MAU2: variants seen among roughly 807,000 people sequenced by gnomAD.
MAU2 encodes the protein MAU2 chromatid cohesion factor homolog.
A neutral mutation model predicts 89.1 loss-of-function variants in MAU2; 9 were observed. The ratio of observed to expected loss-of-function variants is 0.10; its 90% CI spans 0.06 to 0.18. The LOEUF (loss-of-function observed/expected upper bound fraction) is 0.18. Among genes scored for constraint, MAU2 ranks in the 10% least tolerant of loss-of-function variants. The pLI, the probability that MAU2 is intolerant of heterozygous loss-of-function variation, is 1.00. For missense variants in MAU2, 425 were observed against 803.5 expected (o/e 0.53, Z 5.69); for synonymous variants, 357 against 343.4 (o/e 1.04, Z -0.44).
chr19:19,330,458 C>T (rs1237676283), intron 1 of MAU2, among the ~76,000 whole-genome samples: 1 of 151,368 alleles, frequency 6.6e-6, no homozygotes, highest in Non-Finnish European at 1.5e-5. Flanking sequence ...TTAGTTGGGC[C>T]TGCCAGGCGC....
chr19:19,340,742 C>G (rs2061637883), intron 5 of MAU2, 104 bp from the exon 6 acceptor site: 1 of 1,139,016 alleles, frequency 8.8e-7, no homozygotes, highest in Admixed American at 2.1e-5. Context: ...ACTGAACTGT[C>G]CCCTGAGGTG....
intron 1 of MAU2, among the ~76,000 whole-genome samples, chr19:19,326,698 A>G (rs1232335536): frequency 2.7e-5 from 3 of 109,498 alleles, no homozygotes; most frequent in East Asian, 5.3e-4. Flanking sequence ...AAAAATATAT[A>G]TATGTATATA....
chr19:19,339,014 A>G, intron 5 of MAU2, 75 bp downstream of exon 5: 1 of 1,193,972 alleles, frequency 8.4e-7, no homozygotes, highest in African/African-American at 1.5e-5. Context: ...CAGGACAAAT[A>G]ACAGAAATGG....
At chr19:19,331,457 G>A (rs936499890) in intron 1 of MAU2, among the ~76,000 whole-genome samples, 1 of 151,218 alleles carries the variant, frequency 6.6e-6, no homozygotes, top group South Asian at 2.1e-4. Flanking sequence ...AGCTGAGATC[G>A]CGCCACTGCA....
Position 19,357,753 on chromosome 19 carries a change from C to T in MAU2, c.*1971C>T, listed in dbSNP as rs2048195861. The T allele has an allele frequency of 6.6e-6, 1 of 152,124 alleles. No homozygotes were observed. The highest frequency in any genetic ancestry group is 1.5e-5 in the Non-Finnish European group (1 of 68,010). 9.4% of individuals were successfully genotyped at this position (152,124 alleles called of 1,614,324 possible). A position where few individuals can be genotyped will look rare whatever the true frequency, so the allele number is the denominator to read the frequency against. On this transcript the variant is annotated 3_prime_UTR_variant, in exon 19 of 19. Transcript: ENST00000262815. ...AGTTTACAATTAAAAACTCAGTACT[C>T]AATATTTAATATTCTACTCGAGCTT...
At chr19:19,334,054 T>C in intron 1 of MAU2, 1 of 492,026 alleles carries the variant, frequency 2.0e-6, no homozygotes, top group Non-Finnish European at 2.6e-6. Flanking sequence ...GTTGGTGGCC[T>C]TCCAGAGCTT....
At chr19:19,331,764 C>T (rs978186692) in intron 1 of MAU2, among the ~76,000 whole-genome samples, 1 of 152,140 alleles carries the variant, frequency 6.6e-6, no homozygotes, top group East Asian at 1.9e-4. Context: ...AAAAACAAAA[C>T]TCTAACAAAG....
intron 1 of MAU2, among the ~76,000 whole-genome samples, chr19:19,328,738 A>T (rs1021817215): frequency 1.3e-5 from 2 of 152,014 alleles, no homozygotes; most frequent in African/African-American, 4.8e-5. Flanking sequence ...TAACTTTCTT[A>T]CTTCTGATCA....
chr19:19,341,123 TC>T, intron 6 of MAU2, 128 bp from the exon 7 acceptor site: 4 of 1,180,462 alleles, frequency 3.4e-6, no homozygotes, highest in Non-Finnish European at 4.7e-6. Flanking sequence ...GGCTGGGGTT[TC>T]AGGCTGGCCT....
In MAU2 at chr19:19,355,716, C is replaced by A; in HGVS notation, c.1776C>A (p.Asp592Glu). 1.2e-6 allele frequency: 2 copies of A among 1,610,110 alleles called. No individual in the cohort carries two copies. Among genetic ancestry groups the A allele is most frequent in the Non-Finnish European group, 1.7e-6 (2 of 1,179,342 alleles). ...TCCTCTCCTCCCCACAGTGGACAGA[C>A]GGTCCACCCCCCGTGCAGTTCCAAG... is the stretch of plus-strand genomic sequence containing the variant. ...LPEHNLITWT[D>E]GPPPVQFQAQ... The change falls in exon 19 of 19, where the codon GAC becomes GAA. Residue 592 changes from aspartate (D) to glutamate (E), a missense_variant. Asp to Glu is a conservative substitution (Grantham distance 45, BLOSUM62 2). This residue lies in a region of MAU2 where 42 missense variants were observed against 42.4 expected (regional missense o/e 0.99). Transcript: ENST00000262815.
intron 12 of MAU2, 80 bp from the exon 13 acceptor site, chr19:19,347,200 G>A: frequency 3.6e-6 from 3 of 832,758 alleles, no homozygotes; most frequent in Non-Finnish European, 6.3e-6. Context: ...AGTCTCCGTG[G>A]AGATTGTGGG....
chr19:19,329,191 A>G lies in MAU2; in HGVS notation c.277-6527A>G, dbSNP rs907796286. ...AGTTCTTTCATTCTTCAGGATCACAACTGTGTCCTGCTAAATTCCGTGTCC... is the reference window on the plus strand; with the variant it reads ...AGTTCTTTCATTCTTCAGGATCACAGCTGTGTCCTGCTAAATTCCGTGTCC... On this transcript the variant is annotated intron_variant, in intron 1 of 18. Coordinates refer to ENST00000262815, the MANE Select transcript of MAU2 (RefSeq NM_015329.4). 4.7e-5 allele frequency: 21 copies of G among 449,766 alleles called. 1 individual carries two copies. The highest frequency in any genetic ancestry group is 2.0e-4 in the South Asian group (13 of 63,984). 27.9% of individuals were successfully genotyped at this position (449,766 alleles called of 1,614,324 possible). A position where few individuals can be genotyped will look rare whatever the true frequency, so the allele number is the denominator to read the frequency against.
chr19:19,330,135 A>T (rs759630925), intron 1 of MAU2, among the ~76,000 whole-genome samples: 1 of 151,726 alleles, frequency 6.6e-6, no homozygotes, highest in Non-Finnish European at 1.5e-5. Flanking sequence ...ACACACCACC[A>T]TGCCCAGCTA....
intron 1 of MAU2, among the ~76,000 whole-genome samples, chr19:19,329,439 A>G (rs181866960): frequency 3.5e-4 from 53 of 152,236 alleles, no homozygotes; most frequent in African/African-American, 5.5e-4. Flanking sequence ...GCCAGTTACT[A>G]TAGCATCATT....
chr19:19,342,891 C>T (rs2061663147), intron 9 of MAU2, 25 bp downstream of exon 9: 4 of 1,611,830 alleles, frequency 2.5e-6, no homozygotes, highest in South Asian at 1.1e-5. Flanking sequence ...CGGCTGGCCA[C>T]ATGGCCACAG....
At chr19:19,348,401 G>C in intron 13 of MAU2, 1 of 207,142 alleles carries the variant, frequency 4.8e-6, no homozygotes, top group South Asian at 6.8e-5. Context: ...TTAGTCATCC[G>C]ATGCCATACG....
chr19:19,327,281 C>A (rs2061517878), intron 1 of MAU2, among the ~76,000 whole-genome samples: 1 of 151,400 alleles, frequency 6.6e-6, no homozygotes, highest in African/African-American at 2.4e-5. Flanking sequence ...GCCACCATGC[C>A]AGGCTAATTT....
chr19:19,334,177 T>A, intron 1 of MAU2: 1 of 985,270 alleles, frequency 1.0e-6, no homozygotes, highest in East Asian at 1.1e-4. Context: ...ACACACAGCC[T>A]CTAGCTGAGG....
intron 9 of MAU2, among the ~76,000 whole-genome samples, chr19:19,343,076 C>CTGGTCAGGTCCCTT (rs2061665739): frequency 6.6e-6 from 1 of 152,206 alleles, no homozygotes; most frequent in African/African-American, 2.4e-5. Flanking sequence ...ACCTCCCTGA[C>CTGGTCAGGTCCCTT]TGGTCAGGTC....
Sources: allele counts gnomAD v4.1 joint callset (sites outside exome capture counted in the v4.1 genomes callset), GRCh38; gene constraint gnomAD v4.1.1; regional missense constraint gnomAD v4.1.1; transcripts MANE v1.5; gene names NCBI Gene and HGNC (gene_info 2026-07-23, HGNC 2026-07-21).